The following RDH13 variants were observed in gnomAD, a reference collection of about 807,000 sequenced individuals.
RDH13 encodes retinol dehydrogenase 13 (all-trans and 9-cis).
A neutral mutation model predicts 28.3 loss-of-function variants in RDH13; 35 were observed. That is an observed-to-expected ratio of 1.24 (90% confidence interval 0.95 to 1.64). The LOEUF is 1.64. Ranked by LOEUF, RDH13 falls within the 40% of genes most tolerant of loss-of-function variation. The probability of loss-of-function intolerance (pLI) is 0.00; values close to 1 mark genes in which losing one functional copy is unlikely to be tolerated. For synonymous variants in RDH13, 229 were observed against 198.5 expected (o/e 1.15, Z -1.29); for missense variants, 514 against 446.3 (o/e 1.15, Z -1.37).
rs78983909 is a variant in RDH13 at position 55,057,132 on chromosome 19, C to G, written c.185-324G>C. On this transcript the variant is annotated intron_variant, in intron 2 of 6. Transcript: ENST00000415061. ...CGAAAGACCACACAGCGTACAATCC[C>G]ATTTACATGAATTCTATGTATATGA... 2.7e-3 allele frequency among the ~76,000 whole-genome samples: 414 copies of G among 152,224 alleles called. 3 individuals carry two copies. Among genetic ancestry groups the G allele is most frequent in the African/African-American group, 9.2e-3 (381 of 41,542 alleles).
rs1474681246 is a variant in RDH13, at chr19:55,047,427, G to A, written c.720C>T (p.His240=). 1.9e-6 allele frequency: 3 copies of A among 1,611,594 alleles called. No individual in the cohort carries two copies. The highest frequency in any genetic ancestry group is 3.3e-5 in the Admixed American group (2 of 59,966). ...PGVARTELGR[H]TGIHGSTFSS... is the part of the protein sequence containing the mutation. ...AGAAGGTGGAGCCATGGATGCCCGT[G>A]TGTCTGCCCAGCTCTGTCCTGGCCA... The change falls in exon 6 of 7, where the codon CAC becomes CAT. Residue 240 remains histidine (H), a synonymous_variant. Coordinates refer to ENST00000415061, the MANE Select transcript of RDH13 (RefSeq NM_001145971.2).
Position 55,063,094 on chromosome 19 carries a change from G to C in RDH13, c.-62C>G. 1.7e-5 allele frequency: 21 copies of C among 1,260,054 alleles called. No homozygotes were observed. The highest frequency in any genetic ancestry group is 2.1e-5 in the Non-Finnish European group (21 of 986,924). The allele number at this position is 1,260,054 out of a possible 1,614,324, so 78.1% of individuals were successfully genotyped here. ...GCGCGGAGCTTGCTGCACACCAGCC[G>C]CCTGGGTAGCTCCGAGGAAGAGCGC... On this transcript the variant is annotated 5_prime_UTR_variant, in exon 1 of 7. Coordinates refer to ENST00000415061, the MANE Select transcript of RDH13 (RefSeq NM_001145971.2).
downstream of RDH13, among the ~76,000 whole-genome samples, chr19:55,039,979 G>A (rs1482461936): frequency 1.3e-5 from 2 of 152,220 alleles, no homozygotes; most frequent in Admixed American, 6.5e-5. Flanking sequence ...GGTATCGAGA[G>A]GAGTCAAATT....
intron 3 of RDH13, among the ~76,000 whole-genome samples, chr19:55,053,030 T>C (rs1394330322): frequency 1.3e-5 from 2 of 152,144 alleles, no homozygotes; most frequent in Non-Finnish European, 2.9e-5. Flanking sequence ...AACTCCCTGA[T>C]AAACAAGGCT....
At chr19:55,062,550 C>G (rs1250929865) in intron 1 of RDH13, among the ~76,000 whole-genome samples, 4 of 151,896 alleles carry the variant, frequency 2.6e-5, no homozygotes, top group Admixed American at 2.0e-4. Context: ...GGCGTGGTGG[C>G]GCACGTGTGA....
At chr19:55,061,661 G>A (rs1295813143) in intron 1 of RDH13, among the ~76,000 whole-genome samples, 1 of 151,918 alleles carries the variant, frequency 6.6e-6, no homozygotes, top group Non-Finnish European at 1.5e-5. Flanking sequence ...GCTTGGTGGT[G>A]CACGCCTGTA....
At chr19:55,050,661 TGACCTCATTTTCACTTCAG>T (rs1002889502) in intron 3 of RDH13, 9 of 152,322 alleles carry the variant, frequency 5.9e-5, no homozygotes, top group African/African-American at 1.9e-4. Flanking sequence ...CCCACCCTAA[TGACCTCATTTTCACTTCAG>T]GACCTCTGTA....
upstream of RDH13, chr19:55,063,350 G>C (rs930485745): frequency 1.5e-5 from 5 of 343,562 alleles, no homozygotes; most frequent in African/African-American, 1.1e-4. Flanking sequence ...ACTTGCCGCA[G>C]CGTATAAGGC....
chr19:55,053,716 C>T (rs552853698), intron 3 of RDH13: 2 of 152,018 alleles, frequency 1.3e-5, no homozygotes, highest in South Asian at 2.1e-4. Context: ...TTCCATTTCC[C>T]GGAAGAGGAA....
intron 5 of RDH13, 81 bp downstream of exon 5, chr19:55,048,248 T>C (rs1177232000): frequency 5.7e-6 from 9 of 1,588,842 alleles, no homozygotes; most frequent in Non-Finnish European, 7.7e-6. Flanking sequence ...CCGTTTGGCC[T>C]CCCATCAGCC....
downstream of RDH13, chr19:55,040,163 T>G (rs146012043): frequency 8.0e-3 from 1,215 of 152,198 alleles, 4 homozygotes; most frequent in Non-Finnish European, 0.011. Context: ...CTGTTTTTTG[T>G]TTTTTGGTTT....
rs1442267417 is a variant in RDH13 at position 55,063,131 on chromosome 19, A to G, written c.-99T>C. The G allele has an allele frequency of 1.5e-5, 17 of 1,146,520 alleles. No homozygotes were observed. The allele number at this position is 1,146,520 out of a possible 1,614,324, so 71.0% of individuals were successfully genotyped here. A position where few individuals can be genotyped will look rare whatever the true frequency, so the allele number is the denominator to read the frequency against. On this transcript the variant is annotated 5_prime_UTR_variant, in exon 1 of 7. Transcript: ENST00000415061. ...CCGAGGAAGAGCGCGCGACGCAGCC[A>G]CAGGCGAGCGGAGGCGCAGGCGCGG...
intron 3 of RDH13, among the ~76,000 whole-genome samples, chr19:55,051,720 G>A (rs562472983): frequency 2.7e-5 from 4 of 149,774 alleles, no homozygotes; most frequent in South Asian, 4.2e-4. Context: ...GAGCCACCGC[G>A]CCCAGCCTGT....
intron 1 of RDH13, among the ~76,000 whole-genome samples, chr19:55,060,861 C>T (rs1373131362): frequency 1.3e-5 from 2 of 151,608 alleles, no homozygotes; most frequent in Non-Finnish European, 3.0e-5. Context: ...GCCCGCTGCA[C>T]GAGATTCCCA....
rs2147000345 is a variant in RDH13 at position 55,048,326 on chromosome 19, T to A, written c.658+3A>T. 1 of 1,614,052 alleles carries A rather than the reference T, an allele frequency of 6.2e-7. No individual in the cohort carries two copies. Among genetic ancestry groups the A allele is most frequent in the African/African-American group, 1.3e-5 (1 of 75,044 alleles). On this transcript the variant is annotated splice_donor_region_variant and intron_variant, in intron 5 of 6. Coordinates refer to ENST00000415061, the MANE Select transcript of RDH13 (RefSeq NM_001145971.2). ...AGGGAGGCCGAGCCTAGCGCCCCCG[T>A]ACCTTGCAGCCGCCGGCTCAGCTCC...
intron 1 of RDH13, among the ~76,000 whole-genome samples, chr19:55,062,680 T>C (rs2075843179): frequency 6.6e-6 from 1 of 152,162 alleles, no homozygotes; most frequent in Non-Finnish European, 1.5e-5. Context: ...ATTCTGCCTT[T>C]AAAAATAAAC....
chr19:55,058,915 G>C (rs750796260), intron 2 of RDH13, among the ~76,000 whole-genome samples: 1 of 152,176 alleles, frequency 6.6e-6, no homozygotes, highest in Non-Finnish European at 1.5e-5. Context: ...TCCTGACCTC[G>C]TGATCCGCCA....
rs2075732934 is a variant in RDH13 at position 55,059,193 on chromosome 19, T to C, written c.148A>G (p.Ile50Val). ...TVIVTGANTG[I>V]GKQTALELAR... is the part of the protein sequence containing the mutation. ...AGTTCCAAGGCGGTCTGCTTCCCGA[T>C]GCCTGTGTTGGCACCCGTCACGATG... Residue 50 changes from isoleucine to valine, a missense_variant, in exon 2 of 7, where the codon ATC becomes GTC. Transcript: ENST00000415061. 2.5e-6 allele frequency: 4 copies of C among 1,603,296 alleles called. No homozygotes were observed. The highest frequency in any genetic ancestry group is 1.1e-5 in the South Asian group (1 of 88,758).
chr19:55,051,155 G>A (rs969908116), intron 3 of RDH13, among the ~76,000 whole-genome samples: 5 of 152,196 alleles, frequency 3.3e-5, no homozygotes, highest in Admixed American at 2.0e-4. Context: ...CGTGTGGACC[G>A]GACATTCCAG....
Sources: gnomAD v4.1 joint callset for allele counts (sites outside exome capture counted in the v4.1 genomes callset) on GRCh38, gnomAD v4.1.1 for gene constraint, MANE v1.5 for transcripts, NCBI Gene and HGNC (gene_info 2026-07-23, HGNC 2026-07-21) for gene names.